Variants in ZMYND11 observed in about 807,000 individuals in gnomAD.
ZMYND11 encodes zinc finger MYND-type containing 11, also known as zinc finger MYND domain-containing protein 11.
Under a neutral mutation model 84.9 loss-of-function variants are expected in ZMYND11, and 9 were observed. That is an observed-to-expected ratio of 0.11 (90% confidence interval 0.06 to 0.18). The LOEUF (loss-of-function observed/expected upper bound fraction) is 0.18, where lower values mean the gene tolerates loss of function less well. Among genes scored for constraint, ZMYND11 ranks in the 10% least tolerant of loss-of-function variants. ZMYND11 has a pLI of 1.00. For missense variants in ZMYND11, 409 were observed against 761.0 expected, an observed-to-expected ratio of 0.54 and a Z score of 5.44; for synonymous variants, 250 against 244.1, an observed-to-expected ratio of 1.02 and a Z score of -0.23.
At chr10:230,568 G>A (rs1030801013) in intron 4 of ZMYND11, among the ~76,000 whole-genome samples, 3 of 151,064 alleles carry the variant, frequency 2.0e-5, no homozygotes, top group Non-Finnish European at 4.4e-5. Context: ...TACATTTCCA[G>A]TAAGTGCTGT....
chr10:208,039 A>G (rs1944502652), intron 2 of ZMYND11, among the ~76,000 whole-genome samples: 2 of 152,140 alleles, frequency 1.3e-5, no homozygotes, highest in Non-Finnish European at 2.9e-5. Context: ...AAAAACAAGC[A>G]ATGGGGAAAG....
chr10:143,970 C>T (rs2131186054), intron 1 of ZMYND11, among the ~76,000 whole-genome samples: 1 of 148,606 alleles, frequency 6.7e-6, no homozygotes, highest in African/African-American at 2.5e-5. Context: ...TGCCACTGCA[C>T]TACAGCCTGG....
intron 2 of ZMYND11, among the ~76,000 whole-genome samples, chr10:194,768 C>T (rs1941340333): frequency 6.6e-6 from 1 of 152,130 alleles, no homozygotes; most frequent in African/African-American, 2.4e-5. Flanking sequence ...TTCAGTATTA[C>T]TGAAGTGTTA....
chr10:192,725 A>G (rs1427011285), intron 2 of ZMYND11, among the ~76,000 whole-genome samples: 2 of 152,196 alleles, frequency 1.3e-5, no homozygotes, highest in Admixed American at 6.5e-5. Flanking sequence ...GCATTTGCTT[A>G]GTGCTGTTCA....
intron 14 of ZMYND11, chr10:249,852 A>ATATTTTTAAATCTGTGACAAAGATT: frequency 2.3e-6 from 2 of 853,474 alleles, no homozygotes; most frequent in Non-Finnish European, 2.8e-6. Context: ...CATGAAAGAA[A>ATATTTTTAAATCTGTGACAAAGATT]TATTTTTAAA....
At position 157,504 on chromosome 10, in the gene ZMYND11, A is replaced by G. The variant is rs112779881; in HGVS notation, c.-20+21945A>G. Among the ~76,000 whole-genome samples, 10 of 152,276 alleles carry G rather than the reference A, an allele frequency of 6.6e-5. No individual in the cohort carries two copies. In the South Asian group the frequency reaches 2.1e-3, roughly 32 times the overall value. ...CATGAGCCGTTGCGCCTGGCATAATAGCTATTTTTAAAAGTTAAAAATTAA... is the reference window on the plus strand; with the variant it reads ...CATGAGCCGTTGCGCCTGGCATAATGGCTATTTTTAAAAGTTAAAAATTAA... On this transcript the variant is annotated intron_variant, in intron 1 of 14. Coordinates refer to ENST00000381604, the MANE Select transcript of ZMYND11 (RefSeq NM_001370100.5).
intron 10 of ZMYND11, among the ~76,000 whole-genome samples, chr10:246,362 G>A (rs956426426): frequency 6.6e-6 from 1 of 152,156 alleles, no homozygotes; most frequent in Non-Finnish European, 1.5e-5. Context: ...AGCTAGATGG[G>A]TTATATTAGT....
upstream of ZMYND11, among the ~76,000 whole-genome samples, chr10:130,237 A>T (rs1835285512): frequency 6.6e-6 from 1 of 152,218 alleles, no homozygotes; most frequent in Non-Finnish European, 1.5e-5. Context: ...GGAGCTAAAG[A>T]TCAAAAGCCA....
intron 2 of ZMYND11, among the ~76,000 whole-genome samples, chr10:200,205 G>GGTGTGTGTGTGTGTGTGTGTGT (rs71374347): frequency 0.031 from 4,055 of 132,374 alleles, 108 homozygotes; most frequent in African/African-American, 0.059. Context: ...GCCTGGCTAG[G>GGTGTGTGTGTGTGTGTGTGTGT]GTGTGTGTGT....
At chr10:136,980 C>A (rs1434863661) in intron 1 of ZMYND11, among the ~76,000 whole-genome samples, 2 of 151,998 alleles carry the variant, frequency 1.3e-5, no homozygotes, top group Non-Finnish European at 2.9e-5. Context: ...CTGGTGTTAT[C>A]TATGTTTTGT....
At chr10:187,652 A>G (rs1939106795) in intron 2 of ZMYND11, among the ~76,000 whole-genome samples, 1 of 151,862 alleles carries the variant, frequency 6.6e-6, no homozygotes, top group Admixed American at 6.5e-5. Flanking sequence ...AAAAAAAACC[A>G]TACCCAAGAT....
At chr10:134,846 C>T (rs1256293925), upstream of ZMYND11, 1 of 152,058 alleles carries the variant, frequency 6.6e-6, no homozygotes, top group East Asian at 1.9e-4. Flanking sequence ...GAGGAATATG[C>T]TCCAACAAAT....
chr10:224,548 A>T (rs948496681), intron 4 of ZMYND11, among the ~76,000 whole-genome samples: 1 of 152,264 alleles, frequency 6.6e-6, no homozygotes, highest in Admixed American at 6.5e-5. Context: ...AAAATTTGCT[A>T]TAAAAAATTC....
intron 1 of ZMYND11, chr10:148,636 A>G (rs1246254298): frequency 6.6e-6 from 1 of 152,234 alleles, no homozygotes; most frequent in Non-Finnish European, 1.5e-5. Context: ...CATAGTGTTC[A>G]TAATTCTTCA....
chr10:165,612 A>G (rs1843824590), intron 1 of ZMYND11, among the ~76,000 whole-genome samples: 1 of 152,112 alleles, frequency 6.6e-6, no homozygotes. Context: ...AAAACACCCC[A>G]GTGTAACACC....
intron 2 of ZMYND11, among the ~76,000 whole-genome samples, chr10:205,177 G>A (rs1238198858): frequency 6.6e-6 from 1 of 152,014 alleles, no homozygotes; most frequent in East Asian, 1.9e-4. Flanking sequence ...GCCTTTTAAA[G>A]GTTCTGTTTT....
intron 1 of ZMYND11, among the ~76,000 whole-genome samples, chr10:164,337 C>G (rs1000485663): frequency 1.5e-4 from 23 of 152,092 alleles, no homozygotes; most frequent in African/African-American, 5.3e-4. Context: ...TGTGTAATCT[C>G]CTTGACTTTC....
At chr10:149,316 TTATTA>T (rs1839737698) in intron 1 of ZMYND11, among the ~76,000 whole-genome samples, 1 of 148,264 alleles carries the variant, frequency 6.7e-6, no homozygotes, top group Non-Finnish European at 1.5e-5. Context: ...ATTATTATTA[TTATTA>T]TTATTTTTCA....
intron 1 of ZMYND11, among the ~76,000 whole-genome samples, chr10:152,564 A>G (rs529547631): frequency 1.1e-3 from 164 of 152,344 alleles, no homozygotes; most frequent in Non-Finnish European, 1.7e-3. Context: ...TCATAAAGCA[A>G]GTCCTTAGAG....
Sources: gnomAD v4.1 joint callset for allele counts (sites outside exome capture counted in the v4.1 genomes callset) on GRCh38, gnomAD v4.1.1 for gene constraint, MANE v1.5 for transcripts, NCBI Gene and HGNC (gene_info 2026-07-23, HGNC 2026-07-21) for gene names.